TVP23C: variants seen among roughly 807,000 people sequenced by gnomAD.
The protein encoded by TVP23C is Golgi apparatus membrane protein TVP23 homolog C.
A neutral mutation model predicts 28.7 loss-of-function variants in TVP23C; 19 were observed. The observed-to-expected ratio is 0.66, with a 90% CI of 0.46 to 0.97. The LOEUF (loss-of-function observed/expected upper bound fraction) is 0.97, where lower values mean the gene tolerates loss of function less well. Among genes scored for constraint, TVP23C ranks in the 50% least tolerant of loss-of-function variants. The pLI, the probability that TVP23C is intolerant of heterozygous loss-of-function variation, is 0.00. For synonymous variants in TVP23C, 68 were observed against 81.7 expected, an observed-to-expected ratio of 0.83 and a Z score of 0.90; for missense variants, 186 against 241.3, an observed-to-expected ratio of 0.77 and a Z score of 1.52.
intron 3 of TVP23C, among the ~76,000 whole-genome samples, chr17:15,550,378 C>T (rs1298818131): frequency 6.6e-6 from 1 of 152,064 alleles, no homozygotes; most frequent in Non-Finnish European, 1.5e-5. Context: ...AATGTAGGTG[C>T]TTTGGGCAAT....
At chr17:15,514,985 CAGTGTGCTTT>C (rs1387036399) in intron 5 of TVP23C, among the ~76,000 whole-genome samples, 1 of 152,140 alleles carries the variant, frequency 6.6e-6, no homozygotes, top group Non-Finnish European at 1.5e-5. Flanking sequence ...TCCCGAGCTT[CAGTGTGCTTT>C]AGGTTTCCAA....
At chr17:15,529,947 C>T (rs1982886010) in intron 5 of TVP23C, among the ~76,000 whole-genome samples, 1 of 151,958 alleles carries the variant, frequency 6.6e-6, no homozygotes, top group South Asian at 2.1e-4. Flanking sequence ...TACAGGTGCC[C>T]ACCACCACAC....
At chr17:15,552,954 C>G (rs1294412381) in intron 3 of TVP23C, among the ~76,000 whole-genome samples, 2 of 151,454 alleles carry the variant, frequency 1.3e-5, no homozygotes, top group Non-Finnish European at 2.9e-5. Flanking sequence ...ATCCATCCAT[C>G]TCTCTAATCA....
chr17:15,514,098 A>G (rs1982121312), intron 5 of TVP23C, among the ~76,000 whole-genome samples: 1 of 152,238 alleles, frequency 6.6e-6, no homozygotes, highest in African/African-American at 2.4e-5. Flanking sequence ...ACTCTGGGCT[A>G]CTTGCTTAGG....
intron 1 of TVP23C, among the ~76,000 whole-genome samples, chr17:15,559,689 G>C (rs1222631000): frequency 6.7e-6 from 1 of 149,014 alleles, no homozygotes; most frequent in African/African-American, 2.4e-5. Context: ...GATGGATGCA[G>C]TGGAGGTGAT....
chr17:15,505,741 G>A (rs1430159826), intron 5 of TVP23C, among the ~76,000 whole-genome samples: 2 of 152,218 alleles, frequency 1.3e-5, no homozygotes, highest in Non-Finnish European at 2.9e-5. Context: ...GCGCTTGCGG[G>A]CCAGCTGGAG....
intron 5 of TVP23C, among the ~76,000 whole-genome samples, chr17:15,519,899 C>T (rs1017247943): frequency 9.9e-5 from 15 of 152,210 alleles, no homozygotes; most frequent in Non-Finnish European, 1.6e-4. Context: ...GAGACTCCGT[C>T]TCAAACAAAC....
At chr17:15,503,194 G>T in exon 6 of TVP23C, 1 of 1,567,896 alleles carries the variant, frequency 6.4e-7, no homozygotes, top group South Asian at 1.2e-5. Flanking sequence ...TTGAGCCCAA[G>T]ACTTTCAGAC....
intron 5 of TVP23C, among the ~76,000 whole-genome samples, chr17:15,542,596 C>T (rs1386827216): frequency 1.3e-5 from 2 of 152,162 alleles, no homozygotes; most frequent in Non-Finnish European, 2.9e-5. Flanking sequence ...CCTGCCTCAG[C>T]CTCCCGAGTA....
chr17:15,516,941 C>A (rs182463116), intron 5 of TVP23C, among the ~76,000 whole-genome samples: 56 of 152,304 alleles, frequency 3.7e-4, no homozygotes, highest in Admixed American at 9.2e-4. Flanking sequence ...GGGAAAAGCA[C>A]AGGCATGGCA....
At position 15,537,598 on chromosome 17, in the gene TVP23C, C is replaced by T. The variant is rs1983208455; in HGVS notation, c.*2814G>A. The T allele has an allele frequency of 4.1e-6, 4 of 985,128 alleles. No individual in the cohort carries two copies. Among genetic ancestry groups the T allele is most frequent in the African/African-American group, 3.5e-5 (2 of 57,326 alleles). The allele number at this position is 985,128 out of a possible 1,614,324, so 61.0% of individuals were successfully genotyped here. A position where few individuals can be genotyped will look rare whatever the true frequency, so the allele number is the denominator to read the frequency against. ...CTAATTGTTTTCACTTGCTTGCATA[C>T]GTCTAAGAAATTTCCCCATGAAGTA... On this transcript the variant is annotated 3_prime_UTR_variant, in exon 6 of 6. Transcript: ENST00000518321.
intron 3 of TVP23C, 96 bp from the exon 4 acceptor site, chr17:15,547,244 C>T (rs1983687408): frequency 6.3e-7 from 1 of 1,579,260 alleles, no homozygotes; most frequent in South Asian, 1.2e-5. Flanking sequence ...CAAACAAAAA[C>T]CTTCAGCTTT....
At chr17:15,534,040 T>C (rs1298572761), downstream of TVP23C, among the ~76,000 whole-genome samples, 1 of 152,252 alleles carries the variant, frequency 6.6e-6, no homozygotes, top group East Asian at 1.9e-4. Context: ...GTTGTTGTTA[T>C]ATAACATTGT....
At chr17:15,517,455 A>T (rs1982277813) in intron 5 of TVP23C, among the ~76,000 whole-genome samples, 1 of 151,700 alleles carries the variant, frequency 6.6e-6, no homozygotes, top group Admixed American at 6.6e-5. Flanking sequence ...TAGCTGTCTG[A>T]CCCTCCCTGA....
In TVP23C at chr17:15,539,113, A is replaced by ACCACCCAGAAACTTGGGAGAAATG. The variant is rs1983289259; in HGVS notation, c.*1275_*1298dup. The ACCACCCAGAAACTTGGGAGAAATG allele has an allele frequency of 2.8e-5, 27 of 969,616 alleles. No homozygotes were observed. The Middle Eastern group carries it at 1.6e-3, about 57-fold the overall frequency. 60.1% of individuals were successfully genotyped at this position (969,616 alleles called of 1,614,324 possible). On this transcript the variant is annotated 3_prime_UTR_variant, in exon 6 of 6. Transcript: ENST00000518321. The stretch of plus-strand genomic sequence containing the variant: ...TAATCCCTGGACCAGTGCCCTCAGT[A>ACCACCCAGAAACTTGGGAGAAATG]CCACCCAGAAACTTGGGAGAAATGC...
At chr17:15,563,133 C>T (rs2150866804) in intron 1 of TVP23C, 1 of 458,832 alleles carries the variant, frequency 2.2e-6, no homozygotes, top group Non-Finnish European at 3.9e-6. Context: ...GCCGCTCCTC[C>T]TCAACTCCAC....
At position 15,538,032 on chromosome 17, in the gene TVP23C, A is replaced by G; in HGVS notation, c.*2380T>C. On this transcript the variant is annotated 3_prime_UTR_variant, in exon 6 of 6. Transcript: ENST00000518321. ...TTTTAAGTGGAAAAACAAAGCCAAC[A>G]CTCCTCGTTGCAACATGGACTAAGC... 2.6e-6 allele frequency: 4 copies of G among 1,536,704 alleles called. No individual in the cohort carries two copies. Among genetic ancestry groups the G allele is most frequent in the Non-Finnish European group, 3.5e-6 (4 of 1,142,614 alleles).
intron 3 of TVP23C, among the ~76,000 whole-genome samples, chr17:15,553,079 C>T (rs1264259220): frequency 6.7e-6 from 1 of 148,690 alleles, no homozygotes; most frequent in Non-Finnish European, 1.5e-5. Context: ...GCAGAGGGGC[C>T]GTCCTGTGTG....
rs779026862 is a variant in TVP23C, at chr17:15,553,696, A to G, written c.229T>C (p.Trp77Arg). ...TIILLLSCDF[W>R]AVKNVTGRLM... Reference sequence around the variant, plus strand: ...ACAATCAAAATTACCTTCACTGCCCAAAAGTCACACGACAACAACAAGATA... The same window carrying G: ...ACAATCAAAATTACCTTCACTGCCCGAAAGTCACACGACAACAACAAGATA... Residue 77 changes from tryptophan (W) to arginine (R), a missense_variant, in exon 3 of 6, where the codon TGG (tryptophan) becomes CGG (arginine). Coordinates refer to ENST00000518321, the MANE Select transcript of TVP23C (RefSeq NM_001135036.2). 3.1e-6 allele frequency: 5 copies of G among 1,607,540 alleles called. No homozygotes were observed.
Sources: gnomAD v4.1 joint callset for allele counts (sites outside exome capture counted in the v4.1 genomes callset) on GRCh38, gnomAD v4.1.1 for gene constraint, MANE v1.5 for transcripts, NCBI Gene and HGNC (gene_info 2026-07-23, HGNC 2026-07-21) for gene names.